Variants in LIG1 observed in about 807,000 individuals in gnomAD.
The protein encoded by LIG1 is DNA ligase 1, also known as ligase I, DNA, ATP-dependent.
A neutral mutation model predicts 115.7 loss-of-function variants in LIG1; 70 were observed. The observed-to-expected ratio is 0.60, with a 90% CI of 0.50 to 0.74. LIG1 has a LOEUF of 0.74. Among genes scored for constraint, LIG1 ranks in the 30% least tolerant of loss-of-function variants. LIG1 has a pLI of 0.00. For synonymous variants in LIG1, 487 were observed against 495.3 expected (o/e 0.98, Z 0.22); for missense variants, 1,115 against 1,225.6 (o/e 0.91, Z 1.35).
intron 18 of LIG1, among the ~76,000 whole-genome samples, 184 bp downstream of exon 18, chr19:48,132,790 CAAAAAAAA>C (rs71181649): frequency 3.3e-4 from 16 of 48,260 alleles, no homozygotes; most frequent in Admixed American, 2.3e-3. Context: ...GACTCTGTCT[CAAAAAAAA>C]AAAAAAAAAA....
chr19:48,120,914 G>A lies in LIG1; in HGVS notation c.2385+256C>T, dbSNP rs538664916. On this transcript the variant is annotated intron_variant, in intron 24 of 27. Transcript: ENST00000263274. ...CATAACAAAAAAATTCTTTTCTTAT[G>A]TGAGCCACCACTATTTGTAGCTAAT... is the stretch of plus-strand genomic sequence containing the variant. 8 of 1,310,724 alleles carry A rather than the reference G, an allele frequency of 6.1e-6. No homozygotes were observed. In the Admixed American group the frequency reaches 1.5e-4, roughly 24 times the overall value. 81.2% of individuals were successfully genotyped at this position (1,310,724 alleles called of 1,614,324 possible).
At chr19:48,119,093 G>C (rs371130936) in intron 25 of LIG1, 44 bp downstream of exon 25, 4 of 1,483,940 alleles carry the variant, frequency 2.7e-6, no homozygotes, top group Non-Finnish European at 3.7e-6. Context: ...GTCAGGGGCA[G>C]GGGGGAGAGG....
chr19:48,134,726 T>A (rs1175634558), intron 16 of LIG1, among the ~76,000 whole-genome samples: 2 of 152,262 alleles, frequency 1.3e-5, no homozygotes, highest in Non-Finnish European at 2.9e-5. Flanking sequence ...ATGTAGCTGG[T>A]GTGGGGTAGG....
chr19:48,147,773 G>T (rs1352224928), intron 9 of LIG1, among the ~76,000 whole-genome samples: 1 of 152,000 alleles, frequency 6.6e-6, no homozygotes, highest in Non-Finnish European at 1.5e-5. Flanking sequence ...CACGTAATCA[G>T]TCCTTTGTAA....
chr19:48,116,618 G>A (rs1432789803), intron 26 of LIG1, among the ~76,000 whole-genome samples: 1 of 152,040 alleles, frequency 6.6e-6, no homozygotes, highest in Non-Finnish European at 1.5e-5. Context: ...CAGTTACTCA[G>A]GCTCTCTAGG....
At chr19:48,125,002 C>CT (rs1221642569) in intron 21 of LIG1, among the ~76,000 whole-genome samples, 1 of 142,332 alleles carries the variant, frequency 7.0e-6, no homozygotes, top group Non-Finnish European at 1.5e-5. Flanking sequence ...GCGACAGAGA[C>CT]TGTGTCTCAA....
intron 5 of LIG1, among the ~76,000 whole-genome samples, chr19:48,156,004 C>T (rs540213604): frequency 9.4e-4 from 143 of 152,322 alleles, no homozygotes; most frequent in African/African-American, 3.3e-3. Context: ...ACGGCAAGGG[C>T]TCACACTGCC....
chr19:48,135,891 G>GCCCCCCC, intron 15 of LIG1, 112 bp from the exon 16 acceptor site: 9 of 928,646 alleles, frequency 9.7e-6, no homozygotes, highest in East Asian at 2.8e-5. Flanking sequence ...GGCCCAAGAC[G>GCCCCCCC]CCCCCTCCCC....
chr19:48,120,841 A>C, intron 24 of LIG1: 3 of 768,236 alleles, frequency 3.9e-6, no homozygotes, highest in East Asian at 8.8e-5. Context: ...GAGAGGAGGA[A>C]CCTGAATCCC....
chr19:48,152,890 T>C (rs2035565381), intron 6 of LIG1, among the ~76,000 whole-genome samples: 1 of 152,062 alleles, frequency 6.6e-6, no homozygotes, highest in African/African-American at 2.4e-5. Context: ...CACAAGTAAT[T>C]ATGGTTATTT....
chr19:48,134,795 G>C (rs978752761), intron 16 of LIG1, among the ~76,000 whole-genome samples: 2 of 152,252 alleles, frequency 1.3e-5, no homozygotes, highest in Non-Finnish European at 1.5e-5. Flanking sequence ...TGCTGCCCGG[G>C]CCTGTTCACC....
chr19:48,161,410 C>T lies in LIG1; in HGVS notation c.205G>A (p.Glu69Lys). 6.2e-7 allele frequency: 1 copy of T among 1,614,146 alleles called. No individual in the cohort carries two copies. The highest frequency in any genetic ancestry group is 8.5e-7 in the Non-Finnish European group (1 of 1,180,026). ...GGGCTAAGGGCTTCATCCTCCTCTT[C>T]CCCTTCGCTGCCCAGGACCCGGGCC... is the stretch of plus-strand genomic sequence containing the variant. ...KAARVLGSEG[E>K]EEDEALSPAK... The change falls in exon 4 of 28, where the codon GAA becomes AAA. Residue 69 changes from glutamate (E) to lysine (K), a missense_variant. Physicochemically the swap from Glu to Lys is moderately conservative, Grantham distance 56 (BLOSUM62 1). Transcript: ENST00000263274.
intron 9 of LIG1, 113 bp from the exon 10 acceptor site, chr19:48,144,076 T>G (rs1439725357): frequency 3.2e-6 from 3 of 927,786 alleles, no homozygotes; most frequent in African/African-American, 3.2e-5. Context: ...CAGAGCTGGA[T>G]GAAAACAAAG....
chr19:48,142,555 C>T (rs1013286546), intron 11 of LIG1, among the ~76,000 whole-genome samples: 2 of 151,870 alleles, frequency 1.3e-5, no homozygotes, highest in African/African-American at 2.4e-5. Context: ...AGAGCAGTCA[C>T]AACAGGCTCG....
Position 48,137,020 on chromosome 19 carries a change from C to T in LIG1, c.1319G>A (p.Arg440Gln), listed in dbSNP as rs751897090. The T allele has an allele frequency of 1.1e-5, 18 of 1,612,436 alleles. No individual in the cohort carries two copies. The highest frequency in any genetic ancestry group is 4.5e-5 in the East Asian group (2 of 44,870). The change falls in exon 14 of 28, where the codon CGG becomes CAG. Residue 440 changes from arginine (R) to glutamine (Q), a missense_variant. Transcript: ENST00000263274. This position sits in a 1 kb window ranked among gnomAD's most constrained non-coding sequence, Gnocchi z 4.3. ...LFVACRHSEA[R>Q]FIARSLSGRL... ...CCCACACGCTTACCTAGCGATGAAC[C>T]GGGCTTCTGAGTGGCGGCAGGCCAC...
At chr19:48,132,762 G>C (rs1250391164) in intron 18 of LIG1, among the ~76,000 whole-genome samples, 2 of 124,096 alleles carry the variant, frequency 1.6e-5, no homozygotes, top group Non-Finnish European at 3.1e-5. Context: ...ATGCACTCCA[G>C]CCTGGATGAC....
chr19:48,130,591 G>C (rs372497890), intron 19 of LIG1, among the ~76,000 whole-genome samples: 1 of 152,160 alleles, frequency 6.6e-6, no homozygotes, highest in Non-Finnish European at 1.5e-5. Flanking sequence ...CTGGCTTTCC[G>C]AGGCTTTGTT....
In LIG1 at chr19:48,119,139, T is replaced by G. The variant is rs1387561868; in HGVS notation, c.2437A>C (p.Lys813Gln). 6 of 1,579,084 alleles carry G rather than the reference T, an allele frequency of 3.8e-6. No individual in the cohort carries two copies. Among genetic ancestry groups the G allele is most frequent in the East Asian group, 2.3e-5 (1 of 42,588 alleles). ...EELEEHHQSL[K>Q]ALVLPSPRPY... ...GAGGCGCAGCCGCCATGGCTCACCT[T>G]GAGGCTCTGGTGATGCTCCTCCAGC... The change falls in exon 25 of 28, where the codon AAG (lysine) becomes CAG (glutamine). Residue 813 changes from lysine to glutamine, a missense_variant and splice_region_variant. Lys to Gln is a moderately conservative substitution (Grantham distance 53, BLOSUM62 1). Transcript: ENST00000263274.
At chr19:48,140,970 T>C (rs533654023) in intron 11 of LIG1, among the ~76,000 whole-genome samples, 2 of 152,352 alleles carry the variant, frequency 1.3e-5, no homozygotes, top group East Asian at 3.9e-4. Flanking sequence ...TTCCCCCGTC[T>C]AGATAAATCG....
Sources: allele counts gnomAD v4.1 joint callset (sites outside exome capture counted in the v4.1 genomes callset), GRCh38; gene constraint gnomAD v4.1.1; non-coding constraint Gnocchi (gnomAD v3.1); transcripts MANE v1.5; gene names NCBI Gene and HGNC (gene_info 2026-07-23, HGNC 2026-07-21).